Variants in PROS1 observed in about 807,000 individuals in gnomAD.
PROS1 encodes vitamin K-dependent protein S.
In PROS1, 29 loss-of-function variants were observed where a neutral mutation model predicts 75.9. The observed-to-expected ratio is 0.38, with a 90% CI of 0.28 to 0.52. The LOEUF (loss-of-function observed/expected upper bound fraction) is 0.52, where lower values mean the gene tolerates loss of function less well. PROS1 is among the 20% of genes least tolerant of loss of function. The probability of loss-of-function intolerance (pLI) is 0.83; values close to 1 mark genes in which losing one functional copy is unlikely to be tolerated. For missense variants in PROS1, 680 were observed against 810.3 expected (o/e 0.84, Z 1.95); for synonymous variants, 245 against 280.6 (o/e 0.87, Z 1.27).
At position 93,973,881 on chromosome 3, in the gene PROS1, C is replaced by A. The variant is rs1709933086; in HGVS notation, c.-132G>T. 3.2e-6 allele frequency: 2 copies of A among 633,388 alleles called. No homozygotes were observed. Among genetic ancestry groups the A allele is most frequent in the East Asian group, 3.7e-5 (1 of 26,686 alleles). The allele number at this position is 633,388 out of a possible 1,614,324, so 39.2% of individuals were successfully genotyped here. A position where few individuals can be genotyped will look rare whatever the true frequency, so the allele number is the denominator to read the frequency against. Reference sequence around the variant, plus strand: ...CTGCGCGGCGGCGCCAGCGACCCAGCGAGCCTCGGCGGAACAGCCGGGGGC... The same window carrying A: ...CTGCGCGGCGGCGCCAGCGACCCAGAGAGCCTCGGCGGAACAGCCGGGGGC... On this transcript the variant is annotated 5_prime_UTR_variant, in exon 1 of 15. Coordinates refer to ENST00000394236, the MANE Select transcript of PROS1 (RefSeq NM_000313.4).
intron 3 of PROS1, among the ~76,000 whole-genome samples, chr3:93,917,115 C>T (rs1708866714): frequency 6.6e-6 from 1 of 152,208 alleles, no homozygotes; most frequent in African/African-American, 2.4e-5. Context: ...TATTCATACC[C>T]CGCCCCTTTG....
At chr3:93,877,816 A>G (rs1374618247) in intron 13 of PROS1, among the ~76,000 whole-genome samples, 2 of 152,212 alleles carry the variant, frequency 1.3e-5, no homozygotes, top group Admixed American at 1.3e-4. Context: ...GTTGAGTGTG[A>G]TCTCTTCATA....
intron 1 of PROS1, among the ~76,000 whole-genome samples, chr3:93,931,441 TG>T (rs1278437301): frequency 6.6e-6 from 1 of 152,228 alleles, no homozygotes; most frequent in Non-Finnish European, 1.5e-5. Flanking sequence ...TAACATATGA[TG>T]TACGATTTTA....
intron 1 of PROS1, among the ~76,000 whole-genome samples, chr3:93,933,512 T>TACAGGGAGCCCCGAATGTG (rs1709137081): frequency 6.7e-6 from 1 of 150,226 alleles, no homozygotes; most frequent in Non-Finnish European, 1.5e-5. Context: ...AAGGTTGAGG[T>TACAGGGAGCCCCGAATGTG]ACAGGGAGCC....
chr3:93,972,684 C>CAAAA (rs372602802), intron 1 of PROS1, among the ~76,000 whole-genome samples: 1 of 112,090 alleles, frequency 8.9e-6, no homozygotes, highest in African/African-American at 3.6e-5. Context: ...AGTAAAAATA[C>CAAAA]AAAAAAAAAA....
At chr3:93,899,292 A>G (rs1708549810) in intron 7 of PROS1, among the ~76,000 whole-genome samples, 1 of 152,074 alleles carries the variant, frequency 6.6e-6, no homozygotes, top group Non-Finnish European at 1.5e-5. Flanking sequence ...TCTATCTCAG[A>G]GTTATATAAG....
chr3:93,971,853 AC>A (rs1460050388), intron 1 of PROS1, among the ~76,000 whole-genome samples: 2 of 152,150 alleles, frequency 1.3e-5, no homozygotes, highest in East Asian at 1.9e-4. Context: ...TGGATTAAAA[AC>A]ATCACATCTA....
intron 1 of PROS1, among the ~76,000 whole-genome samples, chr3:93,960,240 G>A (rs1016948084): frequency 2.7e-5 from 4 of 149,466 alleles, no homozygotes; most frequent in African/African-American, 7.4e-5. Flanking sequence ...GCAGTGGCAC[G>A]ATCTTAGCTC....
chr3:93,946,313 T>C (rs1437488519), intron 1 of PROS1, among the ~76,000 whole-genome samples: 1 of 152,120 alleles, frequency 6.6e-6, no homozygotes, highest in Non-Finnish European at 1.5e-5. Context: ...TATTTTGAAG[T>C]TTATATGGAA....
At chr3:93,936,387 C>T (rs1709183919) in intron 1 of PROS1, among the ~76,000 whole-genome samples, 1 of 151,954 alleles carries the variant, frequency 6.6e-6, no homozygotes, top group Non-Finnish European at 1.5e-5. Flanking sequence ...CAAACCTGCA[C>T]ATGTATCCCC....
chr3:93,966,830 A>C, intron 1 of PROS1, among the ~76,000 whole-genome samples: 1 of 151,928 alleles, frequency 6.6e-6, no homozygotes, highest in East Asian at 1.9e-4. Context: ...AAAAAAAAGA[A>C]GAAGGCAGCT....
chr3:93,898,622 A>G (rs1472491290), intron 7 of PROS1, 53 bp from the exon 8 acceptor site: 16 of 1,592,710 alleles, frequency 1.0e-5, no homozygotes, highest in Non-Finnish European at 1.2e-5. Context: ...TAAATGTTCA[A>G]TCTTATAGGC....
At chr3:93,935,065 C>T (rs200760264) in intron 1 of PROS1, among the ~76,000 whole-genome samples, 49 of 152,220 alleles carry the variant, frequency 3.2e-4, no homozygotes, top group East Asian at 2.3e-3. Context: ...ATAGAATACA[C>T]GGCTTTATTA....
intron 1 of PROS1, among the ~76,000 whole-genome samples, chr3:93,960,938 AG>A (rs1709697205): frequency 6.6e-6 from 1 of 152,008 alleles, no homozygotes; most frequent in African/African-American, 2.4e-5. Flanking sequence ...AAAGGGCAAA[AG>A]AAAAAAAAAC....
chr3:93,940,799 C>T (rs2107224816), intron 1 of PROS1, among the ~76,000 whole-genome samples: 1 of 152,284 alleles, frequency 6.6e-6, no homozygotes, highest in South Asian at 2.1e-4. Context: ...TTATCACTCA[C>T]CTGCTACAGC....
At chr3:93,887,903 C>T (rs1191788644) in intron 10 of PROS1, among the ~76,000 whole-genome samples, 1 of 152,172 alleles carries the variant, frequency 6.6e-6, no homozygotes, top group Non-Finnish European at 1.5e-5. Flanking sequence ...TGAGTAGGGG[C>T]CATGCTGGCA....
intron 10 of PROS1, among the ~76,000 whole-genome samples, chr3:93,892,291 C>T (rs901193641): frequency 1.3e-5 from 2 of 151,452 alleles, no homozygotes; most frequent in Non-Finnish European, 2.9e-5. Flanking sequence ...GACCATGCCA[C>T]GGCACTCCAG....
chr3:93,940,925 G>T (rs1468591596), intron 1 of PROS1, among the ~76,000 whole-genome samples: 2 of 152,174 alleles, frequency 1.3e-5, no homozygotes, highest in Non-Finnish European at 2.9e-5. Flanking sequence ...AAACTGTTTT[G>T]CCTATCCACC....
intron 1 of PROS1, among the ~76,000 whole-genome samples, chr3:93,970,057 A>G (rs1300339957): frequency 2.0e-5 from 3 of 152,204 alleles, no homozygotes; most frequent in Non-Finnish European, 4.4e-5. Context: ...ACCTTGATAA[A>G]ATCTCTCCAT....
Sources: allele counts gnomAD v4.1 joint callset (sites outside exome capture counted in the v4.1 genomes callset), GRCh38; gene constraint gnomAD v4.1.1; transcripts MANE v1.5; gene names NCBI Gene and HGNC (gene_info 2026-07-23, HGNC 2026-07-21).